CERS6: variants seen among roughly 807,000 people sequenced by gnomAD.
CERS6 encodes the protein LAG1 homolog, ceramide synthase 6.
CERS6 carries 26 observed loss-of-function variants against 56.8 expected under a neutral mutation model. The ratio of observed to expected loss-of-function variants is 0.46; its 90% CI spans 0.34 to 0.63. CERS6 has a LOEUF of 0.63. Ranked by LOEUF, CERS6 falls within the 30% of genes least tolerant of loss-of-function variation. CERS6 has a pLI of 0.01. For synonymous variants in CERS6, 164 were observed against 173.3 expected (o/e 0.95, Z 0.42); for missense variants, 415 against 467.5 (o/e 0.89, Z 1.04).
intron 1 of CERS6, among the ~76,000 whole-genome samples, chr2:168,544,889 C>T (rs1276883662): frequency 6.6e-6 from 1 of 151,940 alleles, no homozygotes; most frequent in Non-Finnish European, 1.5e-5. Context: ...GACATCTGGT[C>T]TCTTTTTTCT....
chr2:168,577,470 G>T (rs560155578), intron 3 of CERS6, among the ~76,000 whole-genome samples: 2 of 152,320 alleles, frequency 1.3e-5, no homozygotes, highest in African/African-American at 4.8e-5. Flanking sequence ...ATTAGAGGAG[G>T]AATTTGGGGT....
intron 4 of CERS6, among the ~76,000 whole-genome samples, chr2:168,685,591 A>G (rs1686327551): frequency 6.6e-6 from 1 of 152,182 alleles, no homozygotes; most frequent in East Asian, 1.9e-4. Context: ...TGGATGAAAG[A>G]GCAGATTTAC....
chr2:168,497,303 G>A (rs1007874688), intron 1 of CERS6, among the ~76,000 whole-genome samples: 1 of 152,164 alleles, frequency 6.6e-6, no homozygotes, highest in Non-Finnish European at 1.5e-5. Context: ...AGCACCTTCT[G>A]TGTGCTTCAG....
chr2:168,703,332 G>C (rs1370035544), intron 6 of CERS6, among the ~76,000 whole-genome samples: 1 of 152,100 alleles, frequency 6.6e-6, no homozygotes, highest in Non-Finnish European at 1.5e-5. Context: ...CGAGGCAGGC[G>C]GATCACTTGA....
intron 4 of CERS6, chr2:168,644,260 G>T: frequency 1.0e-6 from 1 of 969,486 alleles, no homozygotes; most frequent in Non-Finnish European, 1.2e-6. Flanking sequence ...TGTGACTGAG[G>T]ATGAAGGAAG....
chr2:168,744,004 T>A (rs543413447), intron 8 of CERS6, among the ~76,000 whole-genome samples: 1 of 136,336 alleles, frequency 7.3e-6, no homozygotes, highest in Non-Finnish European at 1.6e-5. Context: ...TCTTTTTTTT[T>A]TTTTTTTTTT....
At chr2:168,683,154 T>C (rs1161639513) in intron 4 of CERS6, among the ~76,000 whole-genome samples, 27 of 152,212 alleles carry the variant, frequency 1.8e-4, no homozygotes, top group Non-Finnish European at 2.9e-5. Flanking sequence ...CAATAAATGC[T>C]GGGTCAAAGA....
chr2:168,743,752 T>C (rs1470155610), intron 8 of CERS6, among the ~76,000 whole-genome samples: 1 of 152,178 alleles, frequency 6.6e-6, no homozygotes, highest in African/African-American at 2.4e-5. Context: ...GGATGTTAAA[T>C]GACCCAGGTC....
At chr2:168,478,440 T>C (rs554855084) in intron 1 of CERS6, among the ~76,000 whole-genome samples, 1 of 152,320 alleles carries the variant, frequency 6.6e-6, no homozygotes, top group East Asian at 1.9e-4. Context: ...AGCTGAACTT[T>C]ACACCCTGAC....
rs868827298 is a variant in CERS6, at chr2:168,551,491, A to G, written c.276+3790A>G. On this transcript the variant is annotated intron_variant, in intron 2 of 9. Coordinates refer to ENST00000305747, the MANE Select transcript of CERS6 (RefSeq NM_203463.3). ...CGTCCCTAGGCTGCAGATAGCTCAT[A>G]TGTAAAAATCTTTGAATAACCGTCT... Among the ~76,000 whole-genome samples the G allele has an allele frequency of 7.9e-5, 12 of 152,224 alleles. 1 individual carries two copies. The South Asian group carries it at 1.5e-3, about 18-fold the overall frequency.
chr2:168,649,785 G>C (rs1196541111), intron 4 of CERS6, among the ~76,000 whole-genome samples: 1 of 150,592 alleles, frequency 6.6e-6, no homozygotes, highest in African/African-American at 2.4e-5. Context: ...GCTATCCCAA[G>C]TCCCTGCCCT....
chr2:168,768,722 A>G (rs1307031974), intron 9 of CERS6, among the ~76,000 whole-genome samples: 9 of 151,938 alleles, frequency 5.9e-5, no homozygotes, highest in East Asian at 3.9e-4. Flanking sequence ...CCTGGCCAAC[A>G]TAGTGAAACC....
At position 168,639,227 on chromosome 2, in the gene CERS6, G is replaced by A. The variant is rs76476847; in HGVS notation, c.465+8185G>A. ...CTAGCTTTACAGGCTTCCTTTGGCC[G>A]GAGGCAGTGCCTGAGAAGGGAGTTG... On this transcript the variant is annotated intron_variant, in intron 4 of 9. Coordinates refer to ENST00000305747, the MANE Select transcript of CERS6 (RefSeq NM_203463.3). Among the ~76,000 whole-genome samples, 1,291 of 152,272 alleles carry A rather than the reference G, an allele frequency of 8.5e-3. 20 individuals carry two copies. The highest frequency in any genetic ancestry group is 0.029 in the African/African-American group (1,210 of 41,560).
intron 8 of CERS6, among the ~76,000 whole-genome samples, chr2:168,735,430 G>A (rs1683682272): frequency 6.6e-6 from 1 of 152,144 alleles, no homozygotes; most frequent in Non-Finnish European, 1.5e-5. Flanking sequence ...AAGAGGGTGT[G>A]ATTGACACCC....
chr2:168,687,353 G>A (rs1209706327), intron 4 of CERS6, among the ~76,000 whole-genome samples: 3 of 152,178 alleles, frequency 2.0e-5, no homozygotes, highest in African/African-American at 7.2e-5. Context: ...ATACCAAAAA[G>A]ATGGAATCAG....
chr2:168,732,181 G>A (rs1683559006), intron 8 of CERS6, among the ~76,000 whole-genome samples: 1 of 152,096 alleles, frequency 6.6e-6, no homozygotes, highest in Non-Finnish European at 1.5e-5. Flanking sequence ...TTAAGTAGAT[G>A]TTAAATTCCC....
At chr2:168,533,330 T>TTTGGAATAGA (rs1695201162) in intron 1 of CERS6, among the ~76,000 whole-genome samples, 1 of 143,202 alleles carries the variant, frequency 7.0e-6, no homozygotes, top group Non-Finnish European at 1.6e-5. Context: ...ATTGGAATAG[T>TTTGGAATAGA]TTGGAATAGA....
chr2:168,509,633 C>G (rs765939432), intron 1 of CERS6, among the ~76,000 whole-genome samples: 1 of 152,112 alleles, frequency 6.6e-6, no homozygotes, highest in African/African-American at 2.4e-5. Flanking sequence ...CTCTTGTGGT[C>G]TATATATTCT....
Position 168,507,873 on chromosome 2 carries a change from G to GT in CERS6, c.171-39715dup, listed in dbSNP as rs377268576. Among the ~76,000 whole-genome samples the GT allele has an allele frequency of 1.1e-3, 174 of 151,686 alleles. 2 individuals carry two copies. The highest frequency in any genetic ancestry group is 4.0e-3 in the African/African-American group (166 of 41,318). Reference sequence around the variant, plus strand: ...CTCATTCTCTTTCTTCTCTGGGAAAGTTTTTTTTCAGATTTATAACCATTA... The same window carrying GT: ...CTCATTCTCTTTCTTCTCTGGGAAAGTTTTTTTTTCAGATTTATAACCATTA... On this transcript the variant is annotated intron_variant, in intron 1 of 9. Coordinates refer to ENST00000305747, the MANE Select transcript of CERS6 (RefSeq NM_203463.3).
Sources: allele counts gnomAD v4.1 joint callset (sites outside exome capture counted in the v4.1 genomes callset), GRCh38; gene constraint gnomAD v4.1.1; transcripts MANE v1.5; gene names NCBI Gene and HGNC (gene_info 2026-07-23, HGNC 2026-07-21).